Variants in HECW1 observed in about 807,000 individuals in gnomAD.
HECW1 encodes the protein HECT, C2 and WW domain containing E3 ubiquitin protein ligase 1, also known as E3 ubiquitin-protein ligase HECW1.
In HECW1, 61 loss-of-function variants were observed where a neutral mutation model predicts 182.3. The observed-to-expected ratio is 0.33, with a 90% CI of 0.27 to 0.41. The LOEUF (loss-of-function observed/expected upper bound fraction) is 0.41. Among genes scored for constraint, HECW1 ranks in the 10% least tolerant of loss-of-function variants. HECW1 has a pLI of 1.00. For missense variants in HECW1, 1,739 were observed against 2,108.9 expected, an observed-to-expected ratio of 0.82 and a Z score of 3.44; for synonymous variants, 859 against 832.6, an observed-to-expected ratio of 1.03 and a Z score of -0.55.
intron 16 of HECW1, among the ~76,000 whole-genome samples, chr7:43,471,531 G>A (rs538795978): frequency 4.6e-5 from 7 of 152,336 alleles, no homozygotes; most frequent in African/African-American, 1.7e-4. Context: ...TCTACAAAGG[G>A]GACAGAGGTA....
In HECW1 at chr7:43,444,605, C is replaced by G; in HGVS notation, c.1433C>G (p.Ala478Gly). Residue 478 changes from alanine to glycine, a missense_variant, in exon 11 of 30, where the codon GCC (alanine) becomes GGC (glycine). Physicochemically the swap from Ala to Gly is moderately conservative, Grantham distance 60. Transcript: ENST00000395891. The surrounding 1 kb of genome is among the most constrained non-coding windows in gnomAD (Gnocchi z 4.3). ...ASALLLEDGE[A>G]PASTKEEPLE... ...GCACTGCTGCTGGAAGACGGTGAAG[C>G]CCCAGCCAGCACCAAGGAGGAGCCC... 1.2e-6 allele frequency: 2 copies of G among 1,610,652 alleles called. No individual in the cohort carries two copies. Among genetic ancestry groups the G allele is most frequent in the Non-Finnish European group, 1.7e-6 (2 of 1,178,700 alleles).
chr7:43,301,294 G>C (rs1806744762), intron 3 of HECW1, among the ~76,000 whole-genome samples: 2 of 152,178 alleles, frequency 1.3e-5, no homozygotes, highest in African/African-American at 2.4e-5. Flanking sequence ...GCTTAGATTG[G>C]ATTTCCCTCA....
chr7:43,235,257 C>A (rs1246773187), intron 2 of HECW1, among the ~76,000 whole-genome samples: 1 of 152,214 alleles, frequency 6.6e-6, no homozygotes, highest in African/African-American at 2.4e-5. Context: ...GAGAGTACCC[C>A]CTGCTCTGAG....
chr7:43,478,488 AG>A (rs1419031366), intron 16 of HECW1, among the ~76,000 whole-genome samples: 2 of 152,224 alleles, frequency 1.3e-5, no homozygotes, highest in African/African-American at 4.8e-5. Context: ...CTAACAATTA[AG>A]GGTACTAAAA....
chr7:43,446,890 AGGACTTCCT>A lies in HECW1; in HGVS notation c.2398+1321_2398+1329del, dbSNP rs2077075686. On this transcript the variant is annotated intron_variant, in intron 11 of 29. Transcript: ENST00000395891. ...GCCTTTCTTTCACAAGGATGTTTCG[AGGACTTCCT>A]TTATTCTAGGCCAGATGTAATGCAC... Among the ~76,000 whole-genome samples, 3 of 152,342 alleles carry A rather than the reference AGGACTTCCT, an allele frequency of 2.0e-5. No individual in the cohort carries two copies. The East Asian group carries it at 5.8e-4, about 29-fold the overall frequency.
intron 3 of HECW1, among the ~76,000 whole-genome samples, chr7:43,294,776 C>T (rs1331414574): frequency 2.0e-5 from 3 of 152,104 alleles, no homozygotes; most frequent in Middle Eastern, 3.2e-3. Context: ...GTATCTGAGA[C>T]GGGTCTCAAT....
intron 24 of HECW1, among the ~76,000 whole-genome samples, chr7:43,522,736 A>C (rs2080550908): frequency 6.6e-6 from 1 of 152,166 alleles, no homozygotes; most frequent in South Asian, 2.1e-4. Flanking sequence ...AGCTGTGGAG[A>C]CAGGAGACTA....
chr7:43,330,589 A>C (rs1584502206), intron 5 of HECW1, among the ~76,000 whole-genome samples: 1 of 152,232 alleles, frequency 6.6e-6, no homozygotes, highest in East Asian at 1.9e-4. Context: ...GAAACCATCA[A>C]GGATGTCATC....
chr7:43,209,127 G>A (rs1352460281), intron 2 of HECW1, among the ~76,000 whole-genome samples: 1 of 152,086 alleles, frequency 6.6e-6, no homozygotes, highest in African/African-American at 2.4e-5. Flanking sequence ...CTTGCCCTGT[G>A]GTGTGAGGCC....
intron 11 of HECW1, among the ~76,000 whole-genome samples, chr7:43,448,002 G>T (rs1315098867): frequency 1.3e-5 from 2 of 152,064 alleles, no homozygotes; most frequent in East Asian, 3.9e-4. Flanking sequence ...GGGCACGGTG[G>T]CGGGCACCTG....
chr7:43,475,997 A>G (rs2078207709), intron 16 of HECW1, among the ~76,000 whole-genome samples: 1 of 152,232 alleles, frequency 6.6e-6, no homozygotes, highest in South Asian at 2.1e-4. Flanking sequence ...CAAGAATAAG[A>G]AAAGATTTCA....
At chr7:43,342,764 G>T (rs1369878755) in intron 5 of HECW1, among the ~76,000 whole-genome samples, 1 of 151,742 alleles carries the variant, frequency 6.6e-6, no homozygotes. Flanking sequence ...GGTGGCTCAC[G>T]CCTGTAATCC....
intron 2 of HECW1, among the ~76,000 whole-genome samples, chr7:43,240,181 A>G (rs1798746893): frequency 6.6e-6 from 1 of 152,020 alleles, no homozygotes; most frequent in African/African-American, 2.4e-5. Context: ...TCTCTACTAA[A>G]AATACAAAAA....
intron 8 of HECW1, among the ~76,000 whole-genome samples, chr7:43,426,280 G>A (rs567684849): frequency 6.6e-6 from 1 of 152,092 alleles, no homozygotes; most frequent in African/African-American, 2.4e-5. Context: ...CATAGAATAC[G>A]GCAAGATAAA....
chr7:43,184,011 A>G (rs1025078352), intron 2 of HECW1, among the ~76,000 whole-genome samples: 1 of 151,104 alleles, frequency 6.6e-6, no homozygotes, highest in African/African-American at 2.4e-5. Flanking sequence ...TTCTTTTATT[A>G]TTATTATTAT....
At chr7:43,514,794 T>C (rs1563078067) in intron 24 of HECW1, among the ~76,000 whole-genome samples, 1 of 152,184 alleles carries the variant, frequency 6.6e-6, no homozygotes, top group African/African-American at 2.4e-5. Flanking sequence ...CTAACAACAT[T>C]ATAACCCAGA....
intron 2 of HECW1, among the ~76,000 whole-genome samples, chr7:43,121,206 A>G (rs917306044): frequency 1.3e-5 from 2 of 152,146 alleles, no homozygotes; most frequent in African/African-American, 4.8e-5. Context: ...GCACCCAGCA[A>G]GTAGACCCGG....
intron 2 of HECW1, among the ~76,000 whole-genome samples, chr7:43,237,146 TA>T (rs1798443003): frequency 1.3e-5 from 1 of 77,198 alleles, no homozygotes. Context: ...AGGAAGTAGG[TA>T]GGTAGGTAGG....
At chr7:43,485,552 G>A (rs561177991) in intron 17 of HECW1, among the ~76,000 whole-genome samples, 3 of 152,252 alleles carry the variant, frequency 2.0e-5, no homozygotes, top group Non-Finnish European at 2.9e-5. Flanking sequence ...CACACACCTA[G>A]GCTGTACGGT....
Sources: allele counts gnomAD v4.1 joint callset (sites outside exome capture counted in the v4.1 genomes callset), GRCh38; gene constraint gnomAD v4.1.1; non-coding constraint Gnocchi (gnomAD v3.1); transcripts MANE v1.5; gene names NCBI Gene and HGNC (gene_info 2026-07-23, HGNC 2026-07-21).